GALNTL6: variants seen among roughly 807,000 people sequenced by gnomAD.
The protein encoded by GALNTL6 is polypeptide N-acetylgalactosaminyltransferase like 6.
A neutral mutation model predicts 73.7 loss-of-function variants in GALNTL6; 46 were observed. That is an observed-to-expected ratio of 0.62 (90% CI 0.49 to 0.80). The LOEUF is 0.80. Among genes scored for constraint, GALNTL6 ranks in the 30% least tolerant of loss-of-function variants. The pLI is 0.00. For missense variants in GALNTL6, 604 were observed against 755.0 expected (o/e 0.80, Z 2.34); for synonymous variants, 259 against 263.7 (o/e 0.98, Z 0.17).
chr4:172,052,000 C>A (rs1165876833), intron 2 of GALNTL6, among the ~76,000 whole-genome samples: 1 of 152,156 alleles, frequency 6.6e-6, no homozygotes, highest in Non-Finnish European at 1.5e-5. Flanking sequence ...TGTCATACAG[C>A]TTAATATGGT....
At chr4:171,875,860 C>G (rs542478602) in intron 2 of GALNTL6, among the ~76,000 whole-genome samples, 1 of 151,310 alleles carries the variant, frequency 6.6e-6, no homozygotes, top group Non-Finnish European at 1.5e-5. Context: ...GGCTAACTAT[C>G]TGCCTACTCT....
intron 2 of GALNTL6, among the ~76,000 whole-genome samples, chr4:172,030,137 T>C (rs1741722396): frequency 6.6e-6 from 1 of 152,132 alleles, no homozygotes; most frequent in African/African-American, 2.4e-5. Flanking sequence ...AGATTTTAAC[T>C]AAATGTTACT....
intron 5 of GALNTL6, chr4:172,380,389 A>G: frequency 1.5e-6 from 1 of 657,466 alleles, no homozygotes; most frequent in Non-Finnish European, 2.9e-6. Context: ...CATGAAAATA[A>G]TGGATGTTGC....
chr4:172,568,885 T>C (rs1736663166), intron 5 of GALNTL6, among the ~76,000 whole-genome samples: 1 of 152,010 alleles, frequency 6.6e-6, no homozygotes, highest in Non-Finnish European at 1.5e-5. Flanking sequence ...TCGTAAACTT[T>C]CTTAAAACAT....
At chr4:172,188,710 AGGGTAAAG>A (rs1247653736) in intron 2 of GALNTL6, among the ~76,000 whole-genome samples, 1 of 152,198 alleles carries the variant, frequency 6.6e-6, no homozygotes, top group Non-Finnish European at 1.5e-5. Context: ...CAGTCGCCAA[AGGGTAAAG>A]AGGACTCTCC....
intron 10 of GALNTL6, among the ~76,000 whole-genome samples, chr4:172,990,956 G>T (rs1280774864): frequency 2.6e-5 from 4 of 152,060 alleles, no homozygotes; most frequent in African/African-American, 9.7e-5. Context: ...TACCAAATAA[G>T]CTGAATATGT....
Position 171,951,615 on chromosome 4 carries a change from T to TA in GALNTL6, c.138+136902dup, listed in dbSNP as rs1738881945. Among the ~76,000 whole-genome samples the TA allele has an allele frequency of 2.8e-4, 13 of 45,776 alleles. No individual in the cohort carries two copies. The South Asian group carries it at 6.1e-3, about 22-fold the overall frequency. 30.0% of individuals were successfully genotyped at this position (45,776 alleles called of 152,430 possible). The stretch of plus-strand genomic sequence containing the variant: ...CAGATAATATATAATTAAGCACTTT[T>TA]AAAAATTACTTGTGCTACACAATGG... On this transcript the variant is annotated intron_variant, in intron 2 of 12. Coordinates refer to ENST00000506823, the MANE Select transcript of GALNTL6 (RefSeq NM_001034845.3).
chr4:172,022,342 A>G (rs1031486310), intron 2 of GALNTL6, among the ~76,000 whole-genome samples: 6 of 151,946 alleles, frequency 3.9e-5, no homozygotes, highest in African/African-American at 1.4e-4. Flanking sequence ...CTTCCTCCAC[A>G]CTGACTTTTT....
intron 3 of GALNTL6, among the ~76,000 whole-genome samples, chr4:172,252,668 A>G (rs894392760): frequency 2.0e-5 from 3 of 152,130 alleles, no homozygotes; most frequent in Admixed American, 6.6e-5. Context: ...TCATCTTATC[A>G]TGGATGGAGA....
At chr4:172,458,842 G>A (rs528754534) in intron 5 of GALNTL6, among the ~76,000 whole-genome samples, 77 of 152,208 alleles carry the variant, frequency 5.1e-4, no homozygotes, top group Non-Finnish European at 2.2e-4. Flanking sequence ...GAAAAAGAGG[G>A]AATCCTCCCT....
rs1407390053 is a variant in GALNTL6, at chr4:172,505,212, T to C, written c.553+156523T>C. Among the ~76,000 whole-genome samples, 4 of 55,554 alleles carry C rather than the reference T, an allele frequency of 7.2e-5. 2 individuals carry two copies. The highest frequency in any genetic ancestry group is 8.3e-5 in the Non-Finnish European group (2 of 23,956). The allele number at this position is 55,554 out of a possible 152,430, so 36.4% of individuals were successfully genotyped here. A position where few individuals can be genotyped will look rare whatever the true frequency, so the allele number is the denominator to read the frequency against. On this transcript the variant is annotated intron_variant, in intron 5 of 12. Coordinates refer to ENST00000506823, the MANE Select transcript of GALNTL6 (RefSeq NM_001034845.3). ...TCAGTTGTTAATTCACAACAATGTA[T>C]ATGTGATTATCCATAGTGATGGTGA...
chr4:172,051,182 G>T (rs1730847866), intron 2 of GALNTL6, among the ~76,000 whole-genome samples: 1 of 152,138 alleles, frequency 6.6e-6, no homozygotes, highest in South Asian at 2.1e-4. Flanking sequence ...CTTATAGGAA[G>T]GGGAGCATGG....
chr4:172,823,225 C>T (rs540621067), intron 7 of GALNTL6, among the ~76,000 whole-genome samples: 2 of 152,306 alleles, frequency 1.3e-5, no homozygotes, highest in South Asian at 2.1e-4. Flanking sequence ...GATATAGGCC[C>T]GAGGCCTATA....
chr4:172,214,822 CTTT>C (rs1736446691), intron 2 of GALNTL6, among the ~76,000 whole-genome samples: 1 of 151,922 alleles, frequency 6.6e-6, no homozygotes, highest in African/African-American at 2.4e-5. Context: ...CTTTTGATTT[CTTT>C]ATTTCTGCTT....
rs755569948 is a variant in GALNTL6, at chr4:171,912,655, T to C, written c.138+97937T>C. 3.3e-5 allele frequency among the ~76,000 whole-genome samples: 5 copies of C among 152,166 alleles called. No homozygotes were observed. In the East Asian group the frequency reaches 5.8e-4, roughly 18 times the overall value. On this transcript the variant is annotated intron_variant, in intron 2 of 12. Transcript: ENST00000506823. ...TTATTGAATACTAGCTTAATCCTTC[T>C]AACTGGTTCTTTTACCTGGTCCCCA...
intron 5 of GALNTL6, among the ~76,000 whole-genome samples, chr4:172,776,682 G>A (rs1347985682): frequency 6.6e-6 from 1 of 152,180 alleles, no homozygotes; most frequent in Non-Finnish European, 1.5e-5. Context: ...CAGAAAAAAT[G>A]TCACGCAAGA....
At chr4:172,350,860 A>C (rs78587292) in intron 5 of GALNTL6, among the ~76,000 whole-genome samples, 2,984 of 152,216 alleles carry the variant, frequency 0.02, 86 homozygotes, top group African/African-American at 0.066. Flanking sequence ...TCCTTTCTGA[A>C]TTATGAGAAC....
chr4:172,093,569 G>A lies in GALNTL6; in HGVS notation c.139-136087G>A, dbSNP rs1415341632. 2.6e-5 allele frequency among the ~76,000 whole-genome samples: 4 copies of A among 152,096 alleles called. No individual in the cohort carries two copies. In the South Asian group the frequency reaches 6.2e-4, roughly 24 times the overall value. Reference sequence around the variant, plus strand: ...GATCTGGGTGGGACGCAGAGCAGGAGGTGAGTAGCCCGCAAGGGAGCAAAG... The same window carrying A: ...GATCTGGGTGGGACGCAGAGCAGGAAGTGAGTAGCCCGCAAGGGAGCAAAG... On this transcript the variant is annotated intron_variant, in intron 2 of 12. Coordinates refer to ENST00000506823, the MANE Select transcript of GALNTL6 (RefSeq NM_001034845.3).
At chr4:172,273,395 T>C in intron 3 of GALNTL6, among the ~76,000 whole-genome samples, 1 of 152,140 alleles carries the variant, frequency 6.6e-6, no homozygotes, top group East Asian at 1.9e-4. Flanking sequence ...TAAATATGTA[T>C]GCAATGCCAT....
Sources: gnomAD v4.1 joint callset for allele counts (sites outside exome capture counted in the v4.1 genomes callset) on GRCh38, gnomAD v4.1.1 for gene constraint, MANE v1.5 for transcripts, NCBI Gene and HGNC (gene_info 2026-07-23, HGNC 2026-07-21) for gene names.